GALNTL6: variants seen among roughly 807,000 people sequenced by gnomAD.
GALNTL6 encodes polypeptide N-acetylgalactosaminyltransferase-like 6.
Under a neutral mutation model 73.7 loss-of-function variants are expected in GALNTL6, and 46 were observed. That is an observed-to-expected ratio of 0.62 (90% CI 0.49 to 0.80). The LOEUF is 0.80. Ranked by LOEUF, GALNTL6 falls within the 30% of genes least tolerant of loss-of-function variation. The probability of loss-of-function intolerance (pLI) is 0.00; values close to 1 mark genes in which losing one functional copy is unlikely to be tolerated. For synonymous variants in GALNTL6, 259 were observed against 263.7 expected (o/e 0.98, Z 0.17); for missense variants, 604 against 755.0 (o/e 0.80, Z 2.34).
At chr4:172,721,408 A>T (rs1202046504) in intron 5 of GALNTL6, among the ~76,000 whole-genome samples, 1 of 152,240 alleles carries the variant, frequency 6.6e-6, no homozygotes, top group Non-Finnish European at 1.5e-5. Flanking sequence ...ACCAAGAAAG[A>T]ATAAACAAAC....
intron 2 of GALNTL6, among the ~76,000 whole-genome samples, chr4:171,982,138 A>G (rs149212810): frequency 0.027 from 4,146 of 152,224 alleles, 194 homozygotes; most frequent in African/African-American, 0.093. Flanking sequence ...AACTGTTAAT[A>G]TCCTGACATT....
chr4:172,757,630 T>G (rs1017465081), intron 5 of GALNTL6, among the ~76,000 whole-genome samples: 2 of 152,220 alleles, frequency 1.3e-5, no homozygotes, highest in Non-Finnish European at 2.9e-5. Context: ...CTTTCAAAAT[T>G]ATGCAAACTC....
In GALNTL6 at chr4:172,744,708, G is replaced by A. The variant is rs957308285; in HGVS notation, c.554-64653G>A. 1.1e-4 allele frequency among the ~76,000 whole-genome samples: 17 copies of A among 152,052 alleles called. No individual in the cohort carries two copies. In the South Asian group the frequency reaches 2.3e-3, roughly 20 times the overall value. On this transcript the variant is annotated intron_variant, in intron 5 of 12. Coordinates refer to ENST00000506823, the MANE Select transcript of GALNTL6 (RefSeq NM_001034845.3). ...TGACTGCCTCCACCTTTTCTCTCTC[G>A]TGGTGAAAGACTTATCTCTCAGTTG...
At chr4:172,564,942 C>T (rs1736503964) in intron 5 of GALNTL6, among the ~76,000 whole-genome samples, 1 of 152,164 alleles carries the variant, frequency 6.6e-6, no homozygotes, top group Non-Finnish European at 1.5e-5. Context: ...ATTCAAACTG[C>T]TATAAAAATA....
chr4:172,749,595 T>C (rs1020117689), intron 5 of GALNTL6, among the ~76,000 whole-genome samples: 2 of 152,126 alleles, frequency 1.3e-5, no homozygotes, highest in Non-Finnish European at 2.9e-5. Context: ...TAATCCCATG[T>C]CCCTAAGCCC....
intron 5 of GALNTL6, among the ~76,000 whole-genome samples, chr4:172,514,026 G>A (rs1017171343): frequency 6.6e-6 from 1 of 152,126 alleles, no homozygotes; most frequent in Non-Finnish European, 1.5e-5. Context: ...GTAATGGCTT[G>A]AGTTGGTTGG....
chr4:172,151,938 ATATC>A (rs10528560), intron 2 of GALNTL6, among the ~76,000 whole-genome samples: 26,711 of 146,346 alleles, frequency 0.18, 2,911 homozygotes, highest in African/African-American at 0.3. Flanking sequence ...ATATAAATTT[ATATC>A]TATCTATCTA....
chr4:171,865,211 CT>C (rs1735939179), intron 2 of GALNTL6, among the ~76,000 whole-genome samples: 1 of 151,954 alleles, frequency 6.6e-6, no homozygotes, highest in South Asian at 2.1e-4. Context: ...GGCTTATTCC[CT>C]TGATAAATTT....
intron 2 of GALNTL6, among the ~76,000 whole-genome samples, chr4:171,846,883 T>C (rs1052185644): frequency 1.9e-4 from 26 of 140,220 alleles, no homozygotes; most frequent in Admixed American, 5.1e-4. Context: ...TTATATTATA[T>C]ACACATAATT....
chr4:172,882,940 G>A (rs192145490), intron 8 of GALNTL6, 33 bp downstream of exon 8: 1 of 1,116,732 alleles, frequency 9.0e-7, no homozygotes, highest in Non-Finnish European at 1.3e-6. Context: ...CACTATATCT[G>A]TATAATTTTG....
intron 3 of GALNTL6, among the ~76,000 whole-genome samples, chr4:172,238,148 G>A (rs960883292): frequency 1.6e-4 from 24 of 152,214 alleles, no homozygotes; most frequent in Middle Eastern, 3.4e-3. Flanking sequence ...AACGTCATTG[G>A]TAGTTCAATA....
intron 5 of GALNTL6, among the ~76,000 whole-genome samples, chr4:172,661,137 A>T (rs1731345579): frequency 1.3e-5 from 2 of 152,110 alleles, no homozygotes; most frequent in African/African-American, 4.8e-5. Context: ...AAATTACTGG[A>T]CTTTGACTAA....
At chr4:172,019,993 C>A (rs993890719) in intron 2 of GALNTL6, among the ~76,000 whole-genome samples, 5 of 151,984 alleles carry the variant, frequency 3.3e-5, no homozygotes, top group African/African-American at 4.8e-5. Flanking sequence ...TGTAATAAAA[C>A]TAGAAATCAA....
At chr4:171,856,530 G>A (rs375225829) in intron 2 of GALNTL6, among the ~76,000 whole-genome samples, 1 of 152,120 alleles carries the variant, frequency 6.6e-6, no homozygotes, top group South Asian at 2.1e-4. Flanking sequence ...TCTCCTATAG[G>A]AGGTTTATGG....
At chr4:172,482,315 C>T (rs1733518462) in intron 5 of GALNTL6, among the ~76,000 whole-genome samples, 1 of 152,252 alleles carries the variant, frequency 6.6e-6, no homozygotes, top group South Asian at 2.1e-4. Flanking sequence ...CAGAGAGGGG[C>T]TCCCACATTA....
At chr4:172,354,443 A>C (rs1742078335) in intron 5 of GALNTL6, among the ~76,000 whole-genome samples, 1 of 152,156 alleles carries the variant, frequency 6.6e-6, no homozygotes, top group Non-Finnish European at 1.5e-5. Context: ...ATCGTGTTGC[A>C]TAAAAGTTAA....
chr4:172,351,333 C>T (rs55904602), intron 5 of GALNTL6, among the ~76,000 whole-genome samples: 19,981 of 151,964 alleles, frequency 0.13, 1,320 homozygotes, highest in East Asian at 0.18. Context: ...TTAGGACTGC[C>T]TTAACATTTA....
At chr4:172,348,714 A>G (rs1741841391) in intron 5 of GALNTL6, 25 bp downstream of exon 5, 1 of 1,498,044 alleles carries the variant, frequency 6.7e-7, no homozygotes. Flanking sequence ...ATAACATTTT[A>G]TCTGATTCTG....
At chr4:172,697,527 T>C (rs750271739) in intron 5 of GALNTL6, among the ~76,000 whole-genome samples, 3 of 151,962 alleles carry the variant, frequency 2.0e-5, no homozygotes, top group Non-Finnish European at 2.9e-5. Context: ...AAATCAAAGT[T>C]ACCAACCAAT....
Sources: gnomAD v4.1 joint callset for allele counts (sites outside exome capture counted in the v4.1 genomes callset) on GRCh38, gnomAD v4.1.1 for gene constraint, MANE v1.5 for transcripts, NCBI Gene and HGNC (gene_info 2026-07-23, HGNC 2026-07-21) for gene names.